Variants in UNC5B observed in about 807,000 individuals in gnomAD.
The protein encoded by UNC5B is netrin receptor UNC5B.
UNC5B carries 56 observed loss-of-function variants against 103.7 expected under a neutral mutation model. That is an observed-to-expected ratio of 0.54 (90% CI 0.44 to 0.67). UNC5B has a LOEUF of 0.67. Ranked by LOEUF, UNC5B falls within the 30% of genes least tolerant of loss-of-function variation. UNC5B has a pLI of 0.00. For missense variants in UNC5B, 1,194 were observed against 1,284.5 expected (o/e 0.93, Z 1.08); for synonymous variants, 577 against 542.0 (o/e 1.06, Z -0.90).
intron 1 of UNC5B, among the ~76,000 whole-genome samples, chr10:71,240,072 C>T (rs565757919): frequency 7.9e-5 from 12 of 152,256 alleles, no homozygotes; most frequent in African/African-American, 2.9e-4. Context: ...CCTTCCCTCC[C>T]CACCTACCCC....
intron 1 of UNC5B, among the ~76,000 whole-genome samples, chr10:71,223,771 C>G (rs1843496375): frequency 6.6e-6 from 1 of 152,220 alleles, no homozygotes; most frequent in Non-Finnish European, 1.5e-5. Flanking sequence ...CCCACCTTGC[C>G]TTCTTGTGGC....
chr10:71,281,342 ATTT>A (rs11332290), intron 2 of UNC5B, among the ~76,000 whole-genome samples: 2 of 146,494 alleles, frequency 1.4e-5, no homozygotes, highest in African/African-American at 2.5e-5. Flanking sequence ...GGAAAAAGGA[ATTT>A]TTTTTTTTTT....
At chr10:71,266,451 G>T (rs376140825) in intron 1 of UNC5B, among the ~76,000 whole-genome samples, 87 of 152,308 alleles carry the variant, frequency 5.7e-4, no homozygotes, top group Middle Eastern at 3.4e-3. Flanking sequence ...TGGGGAGCGG[G>T]CCGAGCCCTG....
intron 1 of UNC5B, among the ~76,000 whole-genome samples, chr10:71,227,549 G>C (rs1443140758): frequency 6.6e-6 from 1 of 150,704 alleles, no homozygotes; most frequent in Non-Finnish European, 1.5e-5. Flanking sequence ...AATACCACCT[G>C]TTCCCAAAAA....
intron 11 of UNC5B, 67 bp from the exon 12 acceptor site, chr10:71,293,337 GC>G: frequency 6.6e-7 from 1 of 1,518,968 alleles, no homozygotes. Context: ...AGACTTGGGA[GC>G]CCAGCAGGAG....
chr10:71,286,419 C>T (rs548081086), intron 4 of UNC5B, among the ~76,000 whole-genome samples: 45 of 152,318 alleles, frequency 3.0e-4, no homozygotes, highest in African/African-American at 4.1e-4. Context: ...ATGTAATCCT[C>T]GCGATGGATC....
chr10:71,222,352 C>G (rs1843469804), intron 1 of UNC5B, among the ~76,000 whole-genome samples: 1 of 152,150 alleles, frequency 6.6e-6, no homozygotes, highest in South Asian at 2.1e-4. Flanking sequence ...GGATTTGAAT[C>G]TTCCAGAGGT....
chr10:71,213,078 G>A lies in UNC5B; in HGVS notation c.79+14G>A. The A allele has an allele frequency of 7.5e-7, 1 of 1,334,788 alleles. No homozygotes were observed. The highest frequency in any genetic ancestry group is 9.7e-7 in the Non-Finnish European group (1 of 1,035,792). The allele number at this position is 1,334,788 out of a possible 1,614,324, so 82.7% of individuals were successfully genotyped here. A position where few individuals can be genotyped will look rare whatever the true frequency, so the allele number is the denominator to read the frequency against. ...TGAGCCAAGCAGGTAGGAAGCGATC[G>A]GGTCTGGGGGCGCGGGGCTAGGGGA... is the stretch of plus-strand genomic sequence containing the variant. On this transcript the variant is annotated intron_variant, in intron 1 of 16. Transcript: ENST00000335350. The surrounding 1 kb of genome is among the most constrained non-coding windows in gnomAD (Gnocchi z 4.1).
chr10:71,213,724 G>GGAGA lies in UNC5B; in HGVS notation c.79+662_79+665dup, dbSNP rs1436996624. Among the ~76,000 whole-genome samples, 1 of 89,570 alleles carries GGAGA rather than the reference G, an allele frequency of 1.1e-5. No individual in the cohort carries two copies. Among genetic ancestry groups the GGAGA allele is most frequent in the African/African-American group, 4.5e-5 (1 of 22,074 alleles). The allele number at this position is 89,570 out of a possible 152,430, so 58.8% of individuals were successfully genotyped here. A position where few individuals can be genotyped will look rare whatever the true frequency, so the allele number is the denominator to read the frequency against. On this transcript the variant is annotated intron_variant, in intron 1 of 16. Transcript: ENST00000335350. This position sits in a 1 kb window ranked among gnomAD's most constrained non-coding sequence, Gnocchi z 4.1. ...TATTATTATTAATTTTCTGAGTGTT[G>GGAGA]GAGAGTGTGTGTGTGTGTGTGTGTG...
intron 1 of UNC5B, among the ~76,000 whole-genome samples, chr10:71,237,292 C>T (rs1217232447): frequency 2.6e-5 from 4 of 152,218 alleles, no homozygotes; most frequent in Admixed American, 2.0e-4. Flanking sequence ...TTCCAAACCA[C>T]GTGTTCCTGG....
intron 2 of UNC5B, 117 bp from the exon 3 acceptor site, chr10:71,284,603 G>A (rs1458617479): frequency 5.5e-6 from 8 of 1,459,354 alleles, no homozygotes; most frequent in South Asian, 5.2e-5. Flanking sequence ...GAGGAATGGA[G>A]GGAAAGGCAC....
intron 15 of UNC5B, 52 bp from the exon 16 acceptor site, chr10:71,297,857 G>GGGC (rs777554907): frequency 7.1e-6 from 11 of 1,549,864 alleles, no homozygotes; most frequent in Non-Finnish European, 9.6e-6. Flanking sequence ...GGAGGCTGGA[G>GGGC]GGCAGATGCC....
chr10:71,289,079 G>T, intron 8 of UNC5B, 89 bp downstream of exon 8: 1 of 1,588,806 alleles, frequency 6.3e-7, no homozygotes, highest in African/African-American at 1.3e-5. Flanking sequence ...GTGCAGGGCA[G>T]GGAGAGCTGA....
At chr10:71,292,640 GC>G in intron 11 of UNC5B, 86 bp downstream of exon 11, 1 of 1,190,416 alleles carries the variant, frequency 8.4e-7, no homozygotes, top group Non-Finnish European at 1.2e-6. Context: ...TAAGCCTGAT[GC>G]CAAGACCAAA....
chr10:71,295,241 G>T (rs1845376519), intron 13 of UNC5B, among the ~76,000 whole-genome samples: 1 of 152,200 alleles, frequency 6.6e-6, no homozygotes, highest in South Asian at 2.1e-4. Context: ...CTTGGTCCTG[G>T]GGCGTTGGCT....
chr10:71,299,227 A>T lies in UNC5B; in HGVS notation c.2788A>T (p.Met930Leu). The T allele has an allele frequency of 6.2e-7, 1 of 1,614,198 alleles. No individual in the cohort carries two copies. The highest frequency in any genetic ancestry group is 8.5e-7 in the Non-Finnish European group (1 of 1,180,044). ...LNSLASALEE[M>L]GKSEMLVAVA... The stretch of plus-strand genomic sequence containing the variant: ...CAGCCTGGCGAGTGCCTTGGAGGAG[A>T]TGGGCAAGAGTGAGATGCTGGTGGC... The change falls in exon 17 of 17, where the codon ATG becomes TTG. Residue 930 changes from methionine (M) to leucine (L), a missense_variant. Transcript: ENST00000335350.
In UNC5B at chr10:71,291,578, A is replaced by C; in HGVS notation, c.1441A>C (p.Lys481Gln). ...SPLLDPLPSL[K>Q]VKVYSSSTTG... is the part of the protein sequence containing the mutation. Reference sequence around the variant, plus strand: ...TCTGCTGGACCCCTTACCCAGCCTTAAGGTCAAGGTCTACAGCTCCAGCAC... The same window carrying C: ...TCTGCTGGACCCCTTACCCAGCCTTCAGGTCAAGGTCTACAGCTCCAGCAC... The change falls in exon 10 of 17, where the codon AAG (lysine) becomes CAG (glutamine). Residue 481 changes from lysine to glutamine, a missense_variant. By Grantham distance (53) the Lys-to-Gln change is moderately conservative. Transcript: ENST00000335350. The C allele has an allele frequency of 6.2e-7, 1 of 1,613,970 alleles. No individual in the cohort carries two copies. Among genetic ancestry groups the C allele is most frequent in the South Asian group, 1.1e-5 (1 of 91,078 alleles).
intron 1 of UNC5B, among the ~76,000 whole-genome samples, chr10:71,275,380 G>C (rs1234774229): frequency 1.8e-4 from 28 of 152,332 alleles, no homozygotes; most frequent in East Asian, 1.9e-4. Context: ...GGAGCAGCAG[G>C]AAGTCCTGCA....
intron 8 of UNC5B, 59 bp from the exon 9 acceptor site, chr10:71,290,856 C>T: frequency 1.3e-6 from 2 of 1,536,120 alleles, no homozygotes; most frequent in South Asian, 2.5e-5. Flanking sequence ...CCAGGGCCTC[C>T]CTGATTGCCC....
Sources: allele counts gnomAD v4.1 joint callset (sites outside exome capture counted in the v4.1 genomes callset), GRCh38; gene constraint gnomAD v4.1.1; non-coding constraint Gnocchi (gnomAD v3.1); transcripts MANE v1.5; gene names NCBI Gene and HGNC (gene_info 2026-07-23, HGNC 2026-07-21).